ANKS1A: variants seen among roughly 807,000 people sequenced by gnomAD.
The protein encoded by ANKS1A is ankyrin repeat and sterile alpha motif domain containing 1A, also known as ankyrin repeat and SAM domain-containing protein 1A.
ANKS1A carries 55 observed loss-of-function variants against 120.3 expected under a neutral mutation model. The observed-to-expected ratio is 0.46, with a 90% CI of 0.37 to 0.57. The LOEUF (loss-of-function observed/expected upper bound fraction) is 0.57, where lower values mean the gene tolerates loss of function less well. ANKS1A is among the 20% of genes least tolerant of loss of function. ANKS1A has a pLI of 0.00. For missense variants in ANKS1A, 1,123 were observed against 1,480.3 expected, an observed-to-expected ratio of 0.76 and a Z score of 3.96; for synonymous variants, 590 against 604.7, an observed-to-expected ratio of 0.98 and a Z score of 0.36.
chr6:34,983,472 G>A (rs1436456464), intron 7 of ANKS1A, 47 bp downstream of exon 7: 1 of 1,474,124 alleles, frequency 6.8e-7, no homozygotes, highest in Non-Finnish European at 9.2e-7. Context: ...AGCTTGAAAA[G>A]AGTTGAAAAT....
chr6:34,899,369 C>T (rs188171860), intron 1 of ANKS1A, among the ~76,000 whole-genome samples: 17 of 152,096 alleles, frequency 1.1e-4, no homozygotes, highest in Admixed American at 9.8e-4. Context: ...CTTTATGGCC[C>T]AGCATGGTGG....
At chr6:34,919,314 A>G (rs1348882967) in intron 1 of ANKS1A, among the ~76,000 whole-genome samples, 1 of 152,212 alleles carries the variant, frequency 6.6e-6, no homozygotes, top group African/African-American at 2.4e-5. Flanking sequence ...GCACCTTTTC[A>G]GTCTCCTGGC....
At chr6:34,939,055 G>A (rs1179442562) in intron 1 of ANKS1A, among the ~76,000 whole-genome samples, 1 of 152,164 alleles carries the variant, frequency 6.6e-6, no homozygotes, top group Non-Finnish European at 1.5e-5. Context: ...CAAAATTGGA[G>A]TATTACTTGA....
At chr6:34,943,891 C>A (rs573554626) in intron 1 of ANKS1A, among the ~76,000 whole-genome samples, 2 of 152,300 alleles carry the variant, frequency 1.3e-5, no homozygotes, top group East Asian at 1.9e-4. Context: ...GACATAAGCT[C>A]ATTTGGGTAA....
At chr6:35,011,027 T>C (rs1264608069) in intron 10 of ANKS1A, among the ~76,000 whole-genome samples, 2 of 152,208 alleles carry the variant, frequency 1.3e-5, no homozygotes, top group Non-Finnish European at 2.9e-5. Context: ...GTGACTATTA[T>C]TTAGGGAATC....
chr6:35,068,011 G>A (rs899014621), intron 13 of ANKS1A, among the ~76,000 whole-genome samples: 4 of 150,086 alleles, frequency 2.7e-5, no homozygotes, highest in African/African-American at 4.9e-5. Context: ...CTCCTGCCTC[G>A]GCCTCCTGTG....
chr6:35,089,055 C>T lies in ANKS1A; in HGVS notation c.*446C>T, dbSNP rs1167027901. The T allele has an allele frequency of 9.4e-7, 1 of 1,065,850 alleles. No individual in the cohort carries two copies. The highest frequency in any genetic ancestry group is 1.1e-6 in the Non-Finnish European group (1 of 877,320). 66.0% of individuals were successfully genotyped at this position (1,065,850 alleles called of 1,614,324 possible). A position where few individuals can be genotyped will look rare whatever the true frequency, so the allele number is the denominator to read the frequency against. On this transcript the variant is annotated 3_prime_UTR_variant, in exon 24 of 24. Transcript: ENST00000360359. ...CTCAGGACGGAACTTGGGTGCAGCTCAGTGGGTCGGAAGAGAAGGCGGTGG... is the reference window on the plus strand; with the variant it reads ...CTCAGGACGGAACTTGGGTGCAGCTTAGTGGGTCGGAAGAGAAGGCGGTGG...
Position 34,983,369 on chromosome 6 carries a change from C to G in ANKS1A, c.956C>G (p.Pro319Arg). The G allele has an allele frequency of 6.2e-7, 1 of 1,613,846 alleles. No homozygotes were observed. The highest frequency in any genetic ancestry group is 8.5e-7 in the Non-Finnish European group (1 of 1,179,958). Residue 319 changes from proline to arginine, a missense_variant, in exon 7 of 24, where the codon CCC becomes CGC. Pro to Arg is a moderately radical substitution (Grantham distance 103). Coordinates refer to ENST00000360359, the MANE Select transcript of ANKS1A (RefSeq NM_015245.3). The stretch of plus-strand genomic sequence containing the variant: ...AGTACAAAAGAAGTAGATAAAACCC[C>G]CCCACCCCAGCCACCTCTCATCTCC... ...KRSTKEVDKT[P>R]PPQPPLISSM...
chr6:35,068,918 C>T (rs912525134), intron 13 of ANKS1A, among the ~76,000 whole-genome samples: 2 of 152,100 alleles, frequency 1.3e-5, no homozygotes, highest in African/African-American at 4.8e-5. Flanking sequence ...TCCAGGCTGG[C>T]GCAGCTCTGG....
rs555132126 is a variant in ANKS1A, at chr6:34,948,584, G to C, written c.198-18655G>C. On this transcript the variant is annotated intron_variant, in intron 1 of 23. Coordinates refer to ENST00000360359, the MANE Select transcript of ANKS1A (RefSeq NM_015245.3). ...GTCTGAGTTTAGCCCCAGTTGAGGGGTTACTTGCTGTTCATCAGTCCCCTC... is the reference window on the plus strand; with the variant it reads ...GTCTGAGTTTAGCCCCAGTTGAGGGCTTACTTGCTGTTCATCAGTCCCCTC... Among the ~76,000 whole-genome samples, 14 of 152,212 alleles carry C rather than the reference G, an allele frequency of 9.2e-5. No individual in the cohort carries two copies. The South Asian group carries it at 1.0e-3, about 11-fold the overall frequency.
chr6:35,057,665 C>T lies in ANKS1A; in HGVS notation c.2078-2482C>T, dbSNP rs989896577. Among the ~76,000 whole-genome samples the T allele has an allele frequency of 6.6e-6, 1 of 152,214 alleles. No homozygotes were observed. The highest frequency in any genetic ancestry group is 1.5e-5 in the Non-Finnish European group (1 of 68,030). Reference sequence around the variant, plus strand: ...CTGTCCTCCCCCAGAGTGTGAGTGGCCTGCTCTGGGGTGGGGCACTTCCCC... The same window carrying T: ...CTGTCCTCCCCCAGAGTGTGAGTGGTCTGCTCTGGGGTGGGGCACTTCCCC... On this transcript the variant is annotated intron_variant, in intron 12 of 23. Coordinates refer to ENST00000360359, the MANE Select transcript of ANKS1A (RefSeq NM_015245.3). This position sits in a 1 kb window ranked among gnomAD's most constrained non-coding sequence, Gnocchi z 4.1.
intron 11 of ANKS1A, among the ~76,000 whole-genome samples, chr6:35,048,233 A>G (rs1775809753): frequency 6.6e-6 from 1 of 152,192 alleles, no homozygotes; most frequent in African/African-American, 2.4e-5. Context: ...CCTAGTAGGA[A>G]AAGGGGAGTT....
At chr6:34,923,950 A>ACCAC (rs1285471338) in intron 1 of ANKS1A, among the ~76,000 whole-genome samples, 1 of 152,194 alleles carries the variant, frequency 6.6e-6, no homozygotes, top group African/African-American at 2.4e-5. Flanking sequence ...AAGTCGTCTT[A>ACCAC]CAGAGGCAGG....
intron 10 of ANKS1A, among the ~76,000 whole-genome samples, chr6:35,004,759 A>AAT (rs1423050249): frequency 2.6e-5 from 4 of 152,044 alleles, no homozygotes; most frequent in African/African-American, 9.7e-5. Context: ...GCAAAAAAAA[A>AAT]TTTTTTTTAA....
Position 34,985,233 on chromosome 6 carries a change from C to G in ANKS1A, c.1164C>G (p.Asn388Lys). 4 of 1,614,158 alleles carry G rather than the reference C, an allele frequency of 2.5e-6. No individual in the cohort carries two copies. Among genetic ancestry groups the G allele is most frequent in the Non-Finnish European group, 3.4e-6 (4 of 1,180,022 alleles). ...SGRSSDQDST[N>K]KEAEAAGVKP... ...GATCATCTGACCAAGACTCCACGAA[C>G]AAGGAGGCTGAGGCAGCAGGAGTGA... is the stretch of plus-strand genomic sequence containing the variant. The change falls in exon 8 of 24, where the codon AAC becomes AAG. Residue 388 changes from asparagine (N) to lysine (K), a missense_variant. By Grantham distance (94) the Asn-to-Lys change is moderately conservative. Around this residue, in one of 3 missense-constraint regions of ANKS1A, gnomAD observed 904 missense variants for 1,130.4 expected, o/e 0.80. Coordinates refer to ENST00000360359, the MANE Select transcript of ANKS1A (RefSeq NM_015245.3).
At chr6:35,021,174 A>G (rs3800435) in intron 11 of ANKS1A, among the ~76,000 whole-genome samples, 2 of 151,694 alleles carry the variant, frequency 1.3e-5, no homozygotes, top group East Asian at 2.0e-4. Context: ...GCTGCTCCCC[A>G]CCCTATCCCT....
intron 8 of ANKS1A, among the ~76,000 whole-genome samples, chr6:34,985,514 G>A (rs1772149166): frequency 6.6e-6 from 1 of 152,178 alleles, no homozygotes; most frequent in South Asian, 2.1e-4. Flanking sequence ...AGTATAAGCA[G>A]CTTGCATCTT....
At position 34,904,711 on chromosome 6, in the gene ANKS1A, A is replaced by G. The variant is rs146818828; in HGVS notation, c.197+15112A>G. On this transcript the variant is annotated intron_variant, in intron 1 of 23. Transcript: ENST00000360359. ...TTCGCCACTGCACTCCACCCTGGTG[A>G]CAGAGCGAGACTCCATATCAAAAAC... 1.8e-3 allele frequency among the ~76,000 whole-genome samples: 268 copies of G among 152,354 alleles called. 2 individuals are homozygous for G. The highest frequency in any genetic ancestry group is 5.7e-3 in the African/African-American group (236 of 41,582).
Position 34,967,399 on chromosome 6 carries a change from GT to G in ANKS1A, c.278+83del, listed in dbSNP as rs1447735802. The G allele has an allele frequency of 2.5e-5, 36 of 1,461,870 alleles. No homozygotes were observed. The East Asian group carries it at 7.6e-4, about 31-fold the overall frequency. 90.6% of individuals were successfully genotyped at this position (1,461,870 alleles called of 1,614,324 possible). A position where few individuals can be genotyped will look rare whatever the true frequency, so the allele number is the denominator to read the frequency against. On this transcript the variant is annotated intron_variant, in intron 2 of 23. Coordinates refer to ENST00000360359, the MANE Select transcript of ANKS1A (RefSeq NM_015245.3). Reference sequence around the variant, plus strand: ...CGTTGCCTTTTCATTTCCTAGAAAAGTTTGCTGGCTGAGCTTAGTGGCTCAT... The same window carrying G: ...CGTTGCCTTTTCATTTCCTAGAAAAGTTGCTGGCTGAGCTTAGTGGCTCAT...
Sources: gnomAD v4.1 joint callset for allele counts (sites outside exome capture counted in the v4.1 genomes callset) on GRCh38, gnomAD v4.1.1 for gene constraint, gnomAD v4.1.1 regional missense constraint, Gnocchi (gnomAD v3.1) non-coding constraint, MANE v1.5 for transcripts, NCBI Gene and HGNC (gene_info 2026-07-23, HGNC 2026-07-21) for gene names.